The following PLAC1 variants were observed in gnomAD, a reference collection of about 807,000 sequenced individuals.
The protein encoded by PLAC1 is placenta-specific protein 1.
For synonymous variants in PLAC1, 68 were observed against 62.1 expected (o/e 1.09, Z -0.44); for missense variants, 136 against 163.2 (o/e 0.83, Z 0.91).
chrX:134,755,337 T>C (rs2078754107), intron 1 of PLAC1, among the ~76,000 whole-genome samples: 1 of 112,698 alleles, frequency 8.9e-6, no homozygotes, highest in South Asian at 3.6e-4. Context: ...TGTTTGTTCA[T>C]TGATTTGACA....
At position 134,680,316 on chromosome X, in the gene PLAC1, C is replaced by T. The variant is rs1174089420; in HGVS notation, n.174+53119G>A. Among the ~76,000 whole-genome samples the T allele has an allele frequency of 3.6e-5, 4 of 111,393 alleles. No homozygotes were observed. In the Admixed American group the frequency reaches 3.8e-4, roughly 11 times the overall value. ...CCTGGCTAAAGTCATGCAGCCAGCG[C>T]ATGACAGAGCTAAGACTAAGACCCA... On this transcript the variant is annotated intron_variant and non_coding_transcript_variant, in intron 2 of 2. Transcript: ENST00000466797.
intron 2 of PLAC1, among the ~76,000 whole-genome samples, chrX:134,671,547 G>A (rs1302443507): frequency 9.1e-6 from 1 of 110,468 alleles, no homozygotes; most frequent in African/African-American, 3.3e-5. Context: ...CAGTCATGGC[G>A]GAAGGTGAAG....
At chrX:134,575,855 T>G (rs2077936266) in intron 2 of PLAC1, among the ~76,000 whole-genome samples, 1 of 109,748 alleles carries the variant, frequency 9.1e-6, no homozygotes, top group Non-Finnish European at 1.9e-5. Context: ...AAGCAATTGG[T>G]TAAACTTGTG....
At chrX:134,585,420 C>A (rs2077995646) in intron 2 of PLAC1, among the ~76,000 whole-genome samples, 1 of 110,878 alleles carries the variant, frequency 9.0e-6, no homozygotes, top group South Asian at 3.8e-4. Flanking sequence ...TTGATTAGTT[C>A]CACATTCACA....
chrX:134,647,546 G>A (rs757540005), intron 1 of PLAC1, among the ~76,000 whole-genome samples: 1 of 108,524 alleles, frequency 9.2e-6, no homozygotes, highest in East Asian at 2.9e-4. Context: ...TAGCCTGCTG[G>A]ATGGAGAGAG....
chrX:134,737,695 T>C (rs1285002275), intron 1 of PLAC1, among the ~76,000 whole-genome samples: 4 of 112,405 alleles, frequency 3.6e-5, no homozygotes, highest in Non-Finnish European at 7.5e-5. Flanking sequence ...TGACATTGCA[T>C]GGGCAGTTGG....
intron 1 of PLAC1, among the ~76,000 whole-genome samples, chrX:134,602,462 A>G (rs1433948884): frequency 1.8e-5 from 2 of 112,656 alleles, no homozygotes; most frequent in African/African-American, 6.4e-5. Context: ...CTGAAAAAGA[A>G]GACCTACTTA....
chrX:134,694,596 C>T (rs1427038581), intron 2 of PLAC1, among the ~76,000 whole-genome samples: 1 of 111,862 alleles, frequency 8.9e-6, no homozygotes, highest in African/African-American at 3.3e-5. Flanking sequence ...TAGAATTAGT[C>T]GGAAATATTT....
chrX:134,618,467 G>A (rs1204936651), intron 1 of PLAC1, among the ~76,000 whole-genome samples: 1 of 111,557 alleles, frequency 9.0e-6, no homozygotes, highest in African/African-American at 3.3e-5. Context: ...GTGCAGTGGT[G>A]CGATCATGGC....
chrX:134,653,737 T>G (rs2078375245), intron 1 of PLAC1, among the ~76,000 whole-genome samples: 1 of 111,103 alleles, frequency 9.0e-6, no homozygotes, highest in African/African-American at 3.3e-5. Flanking sequence ...CTAGTAGGAG[T>G]TCAATTCCAC....
chrX:134,594,990 T>C (rs1364433144), intron 2 of PLAC1, among the ~76,000 whole-genome samples: 1 of 109,002 alleles, frequency 9.2e-6, no homozygotes, highest in East Asian at 2.9e-4. Flanking sequence ...TAATGTATAA[T>C]TTAGTGATAC....
At chrX:134,750,994 C>T (rs2078743807) in intron 1 of PLAC1, among the ~76,000 whole-genome samples, 1 of 74,756 alleles carries the variant, frequency 1.3e-5, no homozygotes, top group Admixed American at 1.7e-4. Flanking sequence ...TGTGGGGGCG[C>T]CACCTGTAGT....
intron 1 of PLAC1, among the ~76,000 whole-genome samples, chrX:134,606,931 T>C (rs2078125390): frequency 8.9e-6 from 1 of 112,231 alleles, no homozygotes; most frequent in South Asian, 3.7e-4. Flanking sequence ...GTGTACAATG[T>C]TCACTATTCG....
intron 2 of PLAC1, among the ~76,000 whole-genome samples, chrX:134,696,480 G>A (rs1321710899): frequency 3.6e-5 from 4 of 111,827 alleles, no homozygotes; most frequent in Non-Finnish European, 7.5e-5. Context: ...TAGAAAACCA[G>A]GGACTTCTTC....
At chrX:134,607,802 C>G (rs747702245) in intron 1 of PLAC1, among the ~76,000 whole-genome samples, 62 of 111,261 alleles carry the variant, frequency 5.6e-4, no homozygotes, top group Admixed American at 3.4e-3. Context: ...GAGAGAGGGG[C>G]AGCCTCCGGG....
At chrX:134,623,454 T>G (rs1034075133) in intron 1 of PLAC1, among the ~76,000 whole-genome samples, 2 of 112,765 alleles carry the variant, frequency 1.8e-5, no homozygotes, top group African/African-American at 6.4e-5. Flanking sequence ...CTAAGCACTT[T>G]ACATGCCCAC....
chrX:134,604,240 A>C (rs1206741041), intron 1 of PLAC1, among the ~76,000 whole-genome samples: 1 of 112,860 alleles, frequency 8.9e-6, no homozygotes, highest in Non-Finnish European at 1.9e-5. Context: ...CCCTGACATA[A>C]GCATGTATGA....
chrX:134,585,785 G>A (rs1304907234), intron 2 of PLAC1, among the ~76,000 whole-genome samples: 2 of 111,129 alleles, frequency 1.8e-5, no homozygotes, highest in Non-Finnish European at 3.8e-5. Flanking sequence ...TTCAAGTTGA[G>A]CTGCCCCTGG....
chrX:134,704,788 A>T (rs927578973), intron 2 of PLAC1, among the ~76,000 whole-genome samples: 21 of 101,946 alleles, frequency 2.1e-4, no homozygotes, highest in Non-Finnish European at 3.8e-4. Flanking sequence ...GTCAGGAGTT[A>T]GAGACCAGCC....
Sources: allele counts gnomAD v4.1 joint callset (sites outside exome capture counted in the v4.1 genomes callset), GRCh38; gene constraint gnomAD v4.1.1; transcripts MANE v1.5; gene names NCBI Gene and HGNC (gene_info 2026-07-23, HGNC 2026-07-21).